CALHM4: variants seen among roughly 807,000 people sequenced by gnomAD.
CALHM4 encodes the protein calcium homeostasis modulator family member 4.
CALHM4 carries 16 observed loss-of-function variants against 13.3 expected under a neutral mutation model. That is an observed-to-expected ratio of 1.20 (90% confidence interval 0.81 to 1.82). CALHM4 has a LOEUF of 1.82. Ranked by LOEUF, CALHM4 falls within the 40% of genes most tolerant of loss-of-function variation. CALHM4 has a pLI of 0.00. For missense variants in CALHM4, 344 were observed against 374.9 expected (o/e 0.92, Z 0.68); for synonymous variants, 127 against 137.1 (o/e 0.93, Z 0.52).
chr6:116,553,588 C>T (rs144751022), upstream of CALHM4, among the ~76,000 whole-genome samples: 2 of 152,248 alleles, frequency 1.3e-5, no homozygotes, highest in Non-Finnish European at 2.9e-5. Flanking sequence ...AAGGAGCTCT[C>T]CCTCAATTTC....
chr6:116,541,582 T>C (rs1227407567), intron 1 of CALHM4, among the ~76,000 whole-genome samples: 1 of 152,186 alleles, frequency 6.6e-6, no homozygotes, highest in Non-Finnish European at 1.5e-5. Context: ...CTATTTATAT[T>C]TCTGAGTGGA....
At chr6:116,534,998 T>G (rs1772987414) in intron 1 of CALHM4, among the ~76,000 whole-genome samples, 1 of 152,202 alleles carries the variant, frequency 6.6e-6, no homozygotes, top group Non-Finnish European at 1.5e-5. Flanking sequence ...AATCATCATA[T>G]TGACATGGAC....
rs139364952 is a variant in CALHM4 at position 116,560,819 on chromosome 6, C to T, written c.*2608C>T. Among the ~76,000 whole-genome samples the T allele has an allele frequency of 2.7e-3, 411 of 152,156 alleles. 5 individuals are homozygous for T. The highest frequency in any genetic ancestry group is 3.9e-3 in the Admixed American group (60 of 15,292). On this transcript the variant is annotated 3_prime_UTR_variant, in exon 2 of 2. Transcript: ENST00000368596. ...TGTGCTAATACTACTTTATATTTTG[C>T]TACCAAATGCTTTTGGCTACCACAT...
At chr6:116,552,034 C>T (rs73553446), upstream of CALHM4, among the ~76,000 whole-genome samples, 620 of 152,130 alleles carry the variant, frequency 4.1e-3, 3 homozygotes, top group African/African-American at 0.014. Context: ...ATTTTTTGCT[C>T]CTGTGTCTTT....
rs1457226081 is a variant in CALHM4, at chr6:116,558,045, A to T, written c.779A>T (p.Asp260Val). 1.2e-6 allele frequency: 2 copies of T among 1,614,064 alleles called. No homozygotes were observed. Among genetic ancestry groups the T allele is most frequent in the African/African-American group, 2.7e-5 (2 of 74,926 alleles). Residue 260 changes from aspartate (D) to valine (V), a missense_variant, in exon 2 of 2, where the codon GAC becomes GTC. By Grantham distance (152) the Asp-to-Val change is radical. Transcript: ENST00000368596. ...KLFGFIPGSE[D>V]VKHIRIPSCQ... ...TTTGGCTTCATTCCCGGGAGTGAAG[A>T]CGTCAAACACATCCGCATTCCTTCT...
intron 1 of CALHM4, among the ~76,000 whole-genome samples, chr6:116,533,662 G>T (rs1183439954): frequency 2.0e-5 from 3 of 152,198 alleles, no homozygotes; most frequent in Non-Finnish European, 2.9e-5. Context: ...GCTGTTCAAT[G>T]CCCTACTTGT....
intron 1 of CALHM4, among the ~76,000 whole-genome samples, chr6:116,536,596 A>G (rs943521612): frequency 1.3e-5 from 2 of 152,142 alleles, no homozygotes; most frequent in South Asian, 2.1e-4. Flanking sequence ...CATCTAGTCA[A>G]TTCTCTTCAA....
At chr6:116,534,704 C>A (rs1772963755) in intron 1 of CALHM4, among the ~76,000 whole-genome samples, 1 of 151,552 alleles carries the variant, frequency 6.6e-6, no homozygotes, top group African/African-American at 2.4e-5. Flanking sequence ...TTCCTATGAT[C>A]ATTTCCTTGA....
At chr6:116,545,804 T>A (rs1773749232) in intron 2 of CALHM4, among the ~76,000 whole-genome samples, 1 of 152,154 alleles carries the variant, frequency 6.6e-6, no homozygotes, top group Non-Finnish European at 1.5e-5. Flanking sequence ...TAATGTGAAG[T>A]CAGACCTGAA....
At chr6:116,553,301 C>G (rs1230721140), upstream of CALHM4, among the ~76,000 whole-genome samples, 6 of 152,174 alleles carry the variant, frequency 3.9e-5, 1 homozygote, top group African/African-American at 1.4e-4. Context: ...CTAGCAGAAC[C>G]CTTAGGAACA....
chr6:116,537,713 G>A (rs1039169476), intron 1 of CALHM4, among the ~76,000 whole-genome samples: 1 of 152,140 alleles, frequency 6.6e-6, no homozygotes, highest in Non-Finnish European at 1.5e-5. Context: ...AGGAGCATTC[G>A]CAGGCTACCT....
At chr6:116,545,354 G>T in intron 2 of CALHM4, 1 of 748,614 alleles carries the variant, frequency 1.3e-6, no homozygotes, top group South Asian at 2.0e-5. Flanking sequence ...TCACTTCGCT[G>T]AACACTGTCT....
intron 1 of CALHM4, among the ~76,000 whole-genome samples, chr6:116,536,928 C>A (rs1274606392): frequency 6.6e-6 from 1 of 152,170 alleles, no homozygotes; most frequent in Non-Finnish European, 1.5e-5. Flanking sequence ...CTGCCACAGG[C>A]CCGACGTTTG....
At chr6:116,540,280 T>A in intron 1 of CALHM4, 1 of 1,308,376 alleles carries the variant, frequency 7.6e-7, no homozygotes, top group Non-Finnish European at 1.1e-6. Flanking sequence ...ATGGAACCTG[T>A]CCAATCTGAA....
intron 2 of CALHM4, among the ~76,000 whole-genome samples, chr6:116,544,741 C>A (rs982002057): frequency 1.1e-4 from 16 of 152,178 alleles, no homozygotes; most frequent in African/African-American, 3.9e-4. Flanking sequence ...GAGGTATCTG[C>A]AGGCATTTCA....
upstream of CALHM4, among the ~76,000 whole-genome samples, chr6:116,550,310 TAA>T (rs2115276184): frequency 6.6e-6 from 1 of 152,162 alleles, no homozygotes; most frequent in South Asian, 2.1e-4. Flanking sequence ...ACTTTGTAGG[TAA>T]AGTTTAATCT....
chr6:116,547,626 C>A (rs375000909), intron 2 of CALHM4, among the ~76,000 whole-genome samples: 253 of 152,166 alleles, frequency 1.7e-3, no homozygotes, highest in African/African-American at 5.7e-3. Flanking sequence ...GCAAGTGAGC[C>A]CTGTGTTCCC....
At chr6:116,545,708 T>C (rs544782758) in intron 2 of CALHM4, 173 of 424,440 alleles carry the variant, frequency 4.1e-4, no homozygotes, top group African/African-American at 3.3e-3. Flanking sequence ...AACAACAGGA[T>C]TGTCTTATAG....
intron 1 of CALHM4, among the ~76,000 whole-genome samples, chr6:116,541,518 G>A (rs1773458450): frequency 6.6e-6 from 1 of 152,162 alleles, no homozygotes; most frequent in Non-Finnish European, 1.5e-5. Flanking sequence ...TGGTTGGAGG[G>A]AGACGGATTT....
Sources: gnomAD v4.1 joint callset for allele counts (sites outside exome capture counted in the v4.1 genomes callset) on GRCh38, gnomAD v4.1.1 for gene constraint, MANE v1.5 for transcripts, NCBI Gene and HGNC (gene_info 2026-07-23, HGNC 2026-07-21) for gene names.